Variants in UTRN observed in about 807,000 individuals in gnomAD.
UTRN encodes the protein dystrophin-related protein 1.
UTRN carries 283 observed loss-of-function variants against 463.9 expected under a neutral mutation model. The observed-to-expected ratio is 0.61, with a 90% CI of 0.55 to 0.67. The LOEUF (loss-of-function observed/expected upper bound fraction) is 0.67. Ranked by LOEUF, UTRN falls within the 30% of genes least tolerant of loss-of-function variation. The pLI is 0.00. For synonymous variants in UTRN, 1,442 were observed against 1,431.5 expected, an observed-to-expected ratio of 1.01 and a Z score of -0.17; for missense variants, 3,922 against 4,084.3, an observed-to-expected ratio of 0.96 and a Z score of 1.08.
At chr6:144,736,500 G>A (rs1480942212) in intron 54 of UTRN, among the ~76,000 whole-genome samples, 2 of 151,620 alleles carry the variant, frequency 1.3e-5, no homozygotes, top group Non-Finnish European at 2.9e-5. Flanking sequence ...ATCTTATACT[G>A]TTGTATGTAT....
chr6:144,603,498 T>A (rs1049937979), intron 51 of UTRN, among the ~76,000 whole-genome samples: 4 of 152,230 alleles, frequency 2.6e-5, no homozygotes, highest in African/African-American at 9.6e-5. Flanking sequence ...TTTTTTGTTA[T>A]ATTTATTGAC....
intron 65 of UTRN, among the ~76,000 whole-genome samples, chr6:144,817,105 A>G (rs1473215645): frequency 2.0e-5 from 3 of 152,078 alleles, no homozygotes; most frequent in Non-Finnish European, 4.4e-5. Context: ...TTTTTTCCTT[A>G]CTGAACTTGG....
At chr6:144,571,642 G>A (rs890554658) in intron 50 of UTRN, among the ~76,000 whole-genome samples, 1 of 152,180 alleles carries the variant, frequency 6.6e-6, no homozygotes, top group Non-Finnish European at 1.5e-5. Flanking sequence ...TACATATACA[G>A]TGTTGACATT....
intron 69 of UTRN, among the ~76,000 whole-genome samples, chr6:144,834,415 T>C (rs570159445): frequency 6.6e-6 from 1 of 152,286 alleles, no homozygotes; most frequent in East Asian, 1.9e-4. Context: ...GCTTTGGCTG[T>C]TTGACAAGCA....
At chr6:144,726,752 A>T (rs1192971727) in intron 53 of UTRN, among the ~76,000 whole-genome samples, 3 of 152,162 alleles carry the variant, frequency 2.0e-5, no homozygotes, top group Non-Finnish European at 4.4e-5. Context: ...CTTAAAAAGG[A>T]TGAGGGAATC....
chr6:144,845,690 A>G (rs1272702726), intron 73 of UTRN, among the ~76,000 whole-genome samples: 2 of 152,086 alleles, frequency 1.3e-5, no homozygotes, highest in Admixed American at 6.5e-5. Flanking sequence ...GTGTAAACCT[A>G]TGGTGTACTT....
At chr6:144,829,921 C>T (rs1272976153) in intron 69 of UTRN, among the ~76,000 whole-genome samples, 2 of 152,018 alleles carry the variant, frequency 1.3e-5, no homozygotes, top group East Asian at 1.9e-4. Context: ...CATTCATGTA[C>T]TATGAGTGTG....
At chr6:144,771,794 A>G (rs9403603) in intron 58 of UTRN, 113 bp from the exon 59 acceptor site, 104,066 of 763,240 alleles carry the variant, frequency 0.14, 10,291 homozygotes, top group East Asian at 0.49. Flanking sequence ...ATAATTTTGC[A>G]TGTATTTTTA....
intron 65 of UTRN, among the ~76,000 whole-genome samples, chr6:144,817,100 TC>T (rs1779155999): frequency 6.6e-6 from 1 of 152,188 alleles, no homozygotes; most frequent in African/African-American, 2.4e-5. Context: ...AACATTTTTT[TC>T]CTTACTGAAC....
intron 23 of UTRN, among the ~76,000 whole-genome samples, chr6:144,472,393 CATTT>C (rs1041262885): frequency 1.3e-5 from 2 of 151,336 alleles, no homozygotes; most frequent in African/African-American, 4.9e-5. Flanking sequence ...GATGCTCTCT[CATTT>C]AGTTCAAATA....
In UTRN at chr6:144,462,831, C is replaced by G. The variant is rs1277706819; in HGVS notation, c.3031C>G (p.Leu1011Val). The part of the protein sequence containing the change: ...KVLVSKDLHL[L>V]EEIALTLRAF... The stretch of plus-strand genomic sequence containing the variant: ...CTTGGTTTCCAAAGATCTACATTTG[C>G]TTGAGGAAATTGCTCTCACACTCAG... Residue 1011 changes from leucine to valine, a missense_variant, in exon 23 of 75, where the codon CTT becomes GTT. Leu to Val is a conservative substitution (Grantham distance 32). Transcript: ENST00000367545. 1.9e-6 allele frequency: 3 copies of G among 1,607,056 alleles called. No individual in the cohort carries two copies. In the East Asian group the frequency reaches 6.7e-5, roughly 36 times the overall value.
intron 58 of UTRN, among the ~76,000 whole-genome samples, chr6:144,771,029 A>G (rs1272353073): frequency 6.6e-6 from 1 of 152,196 alleles, no homozygotes; most frequent in African/African-American, 2.4e-5. Context: ...TTTAAGGTGT[A>G]GTGACTCCCA....
rs531269277 is a variant in UTRN, at chr6:144,736,227, C to G, written c.7939+5741C>G. Reference sequence around the variant, plus strand: ...TACATCTGCTATTAGAAGTAGCAAGCATTTGAACATTAGTTATCCTGTTTG... The same window carrying G: ...TACATCTGCTATTAGAAGTAGCAAGGATTTGAACATTAGTTATCCTGTTTG... On this transcript the variant is annotated intron_variant, in intron 54 of 74. Transcript: ENST00000367545. Among the ~76,000 whole-genome samples the G allele has an allele frequency of 4.4e-4, 67 of 152,122 alleles. 1 individual carries two copies. Among genetic ancestry groups the G allele is most frequent in the Non-Finnish European group, 8.5e-4 (58 of 68,006 alleles).
intron 25 of UTRN, among the ~76,000 whole-genome samples, chr6:144,478,599 A>T (rs1791497934): frequency 6.6e-6 from 1 of 152,146 alleles, no homozygotes; most frequent in South Asian, 2.1e-4. Context: ...TATGCCGGAG[A>T]TCCTGTTTGG....
chr6:144,798,069 C>T (rs1045113366), intron 64 of UTRN, 79 bp downstream of exon 64: 4 of 1,575,784 alleles, frequency 2.5e-6, no homozygotes, highest in Admixed American at 3.8e-5. Context: ...CCTCCATTCC[C>T]ATTCATTCCC....
Position 144,836,589 on chromosome 6 carries a change from A to T in UTRN, c.10065+48A>T, listed in dbSNP as rs754029609. 2.7e-5 allele frequency: 44 copies of T among 1,604,956 alleles called. No individual in the cohort carries two copies. The East Asian group carries it at 9.0e-4, about 33-fold the overall frequency. On this transcript the variant is annotated intron_variant, in intron 71 of 74. Coordinates refer to ENST00000367545, the MANE Select transcript of UTRN (RefSeq NM_007124.3). ...TCACACCTCCCCAGGCCATCTGTCCACTGCCCTGGGAGATGATGGTCCAGG... is the reference window on the plus strand; with the variant it reads ...TCACACCTCCCCAGGCCATCTGTCCTCTGCCCTGGGAGATGATGGTCCAGG...
chr6:144,349,132 C>T (rs1402873081), intron 2 of UTRN, among the ~76,000 whole-genome samples: 1 of 152,136 alleles, frequency 6.6e-6, no homozygotes, highest in African/African-American at 2.4e-5. Context: ...CCTCAGCCTT[C>T]CGAGTAGCTG....
At chr6:144,464,359 G>A (rs1235858193) in intron 23 of UTRN, among the ~76,000 whole-genome samples, 1 of 152,150 alleles carries the variant, frequency 6.6e-6, no homozygotes, top group African/African-American at 2.4e-5. Flanking sequence ...TTGTGTGTGT[G>A]TGTGGGTAGC....
At chr6:144,294,256 T>C (rs1394193127) in intron 2 of UTRN, among the ~76,000 whole-genome samples, 1 of 152,178 alleles carries the variant, frequency 6.6e-6, no homozygotes, top group African/African-American at 2.4e-5. Context: ...ATGAATCACA[T>C]TCTTTTGGCT....
Sources: gnomAD v4.1 joint callset for allele counts (sites outside exome capture counted in the v4.1 genomes callset) on GRCh38, gnomAD v4.1.1 for gene constraint, MANE v1.5 for transcripts, NCBI Gene and HGNC (gene_info 2026-07-23, HGNC 2026-07-21) for gene names.